ARHGAP20: variants seen among roughly 807,000 people sequenced by gnomAD.
ARHGAP20 encodes rho GTPase-activating protein 20.
A neutral mutation model predicts 73.7 loss-of-function variants in ARHGAP20; 34 were observed. That is an observed-to-expected ratio of 0.46 (90% CI 0.35 to 0.61). The LOEUF (loss-of-function observed/expected upper bound fraction) is 0.61. Ranked by LOEUF, ARHGAP20 falls within the 20% of genes least tolerant of loss-of-function variation. ARHGAP20 has a pLI of 0.00. For synonymous variants in ARHGAP20, 523 were observed against 518.2 expected, an observed-to-expected ratio of 1.01 and a Z score of -0.13; for missense variants, 1,314 against 1,420.9, an observed-to-expected ratio of 0.92 and a Z score of 1.21.
At chr11:110,709,555 G>A (rs1249486501) in intron 1 of ARHGAP20, among the ~76,000 whole-genome samples, 1 of 152,200 alleles carries the variant, frequency 6.6e-6, no homozygotes, top group Admixed American at 6.5e-5. Flanking sequence ...GGTAGTCAAT[G>A]GCAGGCCTCT....
chr11:110,601,259 G>C (rs985943649), intron 9 of ARHGAP20, among the ~76,000 whole-genome samples: 4 of 152,166 alleles, frequency 2.6e-5, no homozygotes, highest in Admixed American at 6.5e-5. Context: ...CTAGCACTTG[G>C]TAAATAAGGC....
chr11:110,618,122 C>A (rs1310768374), intron 4 of ARHGAP20, among the ~76,000 whole-genome samples: 1 of 152,006 alleles, frequency 6.6e-6, no homozygotes, highest in Non-Finnish European at 1.5e-5. Flanking sequence ...GGCAAAGCAG[C>A]AGAACATCTC....
At position 110,581,126 on chromosome 11, in the gene ARHGAP20, A is replaced by AGTTTC; in HGVS notation, c.1815_1819dup (p.Leu607ArgfsTer14). 6.2e-7 allele frequency: 1 copy of AGTTTC among 1,614,164 alleles called. No individual in the cohort carries two copies. The highest frequency in any genetic ancestry group is 8.5e-7 in the Non-Finnish European group (1 of 1,180,016). ...GTCCATGCTTCTGCTCCCCTGGCCA[A>AGTTTC]GTTTCTTTACCAAGTCACTGCATGG... On this transcript the variant is annotated frameshift_variant, in exon 15 of 15. Transcript: ENST00000683387. LOFTEE classifies it low-confidence loss of function (END_TRUNC).
intron 9 of ARHGAP20, among the ~76,000 whole-genome samples, chr11:110,595,269 A>G (rs1947927518): frequency 6.6e-6 from 1 of 152,196 alleles, no homozygotes; most frequent in Non-Finnish European, 1.5e-5. Flanking sequence ...CTCCTATTCA[A>G]CATAGTTTGG....
At chr11:110,622,999 TAAA>T (rs1948661636) in intron 4 of ARHGAP20, among the ~76,000 whole-genome samples, 1 of 151,638 alleles carries the variant, frequency 6.6e-6, no homozygotes, top group Non-Finnish European at 1.5e-5. Flanking sequence ...TACCCTCACT[TAAA>T]ATTACTTCCT....
chr11:110,682,593 A>C (rs1346184467), intron 2 of ARHGAP20, among the ~76,000 whole-genome samples: 1 of 152,118 alleles, frequency 6.6e-6, no homozygotes, highest in Non-Finnish European at 1.5e-5. Context: ...TCTGCTACTT[A>C]ATGAGCCAGG....
chr11:110,645,628 C>G (rs942644107), intron 2 of ARHGAP20, among the ~76,000 whole-genome samples: 6 of 152,006 alleles, frequency 3.9e-5, no homozygotes, highest in African/African-American at 1.4e-4. Flanking sequence ...GGCATATACC[C>G]AAAGGAAAAG....
At chr11:110,664,295 AAAAC>A (rs1182976000) in intron 2 of ARHGAP20, among the ~76,000 whole-genome samples, 5 of 152,206 alleles carry the variant, frequency 3.3e-5, no homozygotes, top group African/African-American at 9.6e-5. Context: ...GGAACCTACA[AAAAC>A]AATCCATTGA....
intron 3 of ARHGAP20, among the ~76,000 whole-genome samples, chr11:110,625,031 T>A (rs1435104555): frequency 5.7e-5 from 6 of 105,012 alleles, no homozygotes; most frequent in Non-Finnish European, 9.4e-5. Context: ...TTTTTATTTT[T>A]ATTTTTTTTT....
At chr11:110,593,075 T>G (rs1018170096) in intron 9 of ARHGAP20, among the ~76,000 whole-genome samples, 4 of 152,070 alleles carry the variant, frequency 2.6e-5, no homozygotes, top group Non-Finnish European at 4.4e-5. Context: ...GTGTTTGCAT[T>G]TGACTTGGAT....
intron 9 of ARHGAP20, among the ~76,000 whole-genome samples, chr11:110,599,466 T>C (rs773063601): frequency 5.3e-5 from 8 of 152,206 alleles, no homozygotes; most frequent in Non-Finnish European, 1.2e-4. Context: ...GGTGCTGGCC[T>C]GCAGGTGCCC....
chr11:110,697,705 G>A (rs189866320), intron 1 of ARHGAP20, among the ~76,000 whole-genome samples: 2 of 151,696 alleles, frequency 1.3e-5, no homozygotes, highest in African/African-American at 4.8e-5. Context: ...GTTTATTTTT[G>A]TTGGCTTTGT....
At chr11:110,678,708 C>A (rs1949980867) in intron 2 of ARHGAP20, among the ~76,000 whole-genome samples, 1 of 152,142 alleles carries the variant, frequency 6.6e-6, no homozygotes, top group African/African-American at 2.4e-5. Context: ...GTTGTCCAGG[C>A]TGGAGTGCAG....
chr11:110,707,504 A>G (rs2135156893), intron 1 of ARHGAP20, among the ~76,000 whole-genome samples: 1 of 152,240 alleles, frequency 6.6e-6, no homozygotes, highest in South Asian at 2.1e-4. Context: ...CTGAGAGTGG[A>G]TTTGATTTTT....
chr11:110,665,156 C>A (rs185669406), intron 2 of ARHGAP20, among the ~76,000 whole-genome samples: 39 of 152,202 alleles, frequency 2.6e-4, no homozygotes, highest in African/African-American at 8.9e-4. Flanking sequence ...TAAACAAAAA[C>A]ACATATGTAA....
At chr11:110,615,524 G>C (rs376131993) in intron 5 of ARHGAP20, 29 bp downstream of exon 5, 166 of 1,591,526 alleles carry the variant, frequency 1.0e-4, no homozygotes, top group Non-Finnish European at 1.4e-4. Flanking sequence ...AAAGGTTAAA[G>C]ATTAAAAATA....
At chr11:110,609,115 ATTTT>A (rs57075075) in intron 7 of ARHGAP20, 65 bp from the exon 8 acceptor site, 78 of 1,302,140 alleles carry the variant, frequency 6.0e-5, no homozygotes, top group Admixed American at 2.3e-4. Context: ...ATGAGGACAC[ATTTT>A]TTTTTTTTGG....
At chr11:110,707,865 T>C (rs1403821221) in intron 1 of ARHGAP20, among the ~76,000 whole-genome samples, 1 of 80,746 alleles carries the variant, frequency 1.2e-5, no homozygotes, top group African/African-American at 5.6e-5. Context: ...ATTTTTTTGT[T>C]TTTTTTTTTG....
intron 10 of ARHGAP20, 128 bp from the exon 11 acceptor site, chr11:110,590,937 A>C: frequency 2.1e-6 from 2 of 957,022 alleles, no homozygotes. Flanking sequence ...TTGGAGCTAA[A>C]TAAATGGCCG....
Sources: gnomAD v4.1 joint callset for allele counts (sites outside exome capture counted in the v4.1 genomes callset) on GRCh38, gnomAD v4.1.1 for gene constraint, MANE v1.5 for transcripts, NCBI Gene and HGNC (gene_info 2026-07-23, HGNC 2026-07-21) for gene names.